The following ZNF438 variants were observed in gnomAD, a reference collection of about 807,000 sequenced individuals.
ZNF438 encodes the protein zinc finger protein 438.
A neutral mutation model predicts 38.0 loss-of-function variants in ZNF438; 25 were observed. The ratio of observed to expected loss-of-function variants is 0.66; its 90% CI spans 0.48 to 0.92. ZNF438 has a LOEUF of 0.92. ZNF438 is among the 40% of genes least tolerant of loss of function. The probability of loss-of-function intolerance (pLI) is 0.00; values close to 1 mark genes in which losing one functional copy is unlikely to be tolerated. For synonymous variants in ZNF438, 372 were observed against 364.1 expected, an observed-to-expected ratio of 1.02 and a Z score of -0.25; for missense variants, 1,007 against 999.6, an observed-to-expected ratio of 1.01 and a Z score of -0.10.
intron 1 of ZNF438, among the ~76,000 whole-genome samples, chr10:30,975,798 A>G (rs1338136811): frequency 6.6e-6 from 1 of 152,200 alleles, no homozygotes; most frequent in Non-Finnish European, 1.5e-5. Context: ...CTTTTGATAA[A>G]TACTTGAAAA....
intron 1 of ZNF438, among the ~76,000 whole-genome samples, chr10:30,948,154 G>C (rs892195043): frequency 1.3e-5 from 2 of 152,046 alleles, no homozygotes; most frequent in Non-Finnish European, 2.9e-5. Context: ...CATCTCACAC[G>C]GCAGGGTATT....
intron 1 of ZNF438, among the ~76,000 whole-genome samples, chr10:30,992,707 C>T (rs1284772448): frequency 6.6e-6 from 1 of 152,188 alleles, no homozygotes; most frequent in Non-Finnish European, 1.5e-5. Flanking sequence ...GCCACCGTGC[C>T]CAGCCTGAAT....
Position 30,954,050 on chromosome 10 carries a change from G to A in ZNF438, c.-191-12399C>T, listed in dbSNP as rs549632449. Among the ~76,000 whole-genome samples the A allele has an allele frequency of 9.3e-4, 142 of 152,234 alleles. 5 individuals are homozygous for A. Among genetic ancestry groups the A allele is most frequent in the Middle Eastern group, 3.4e-3 (1 of 294 alleles). ...CCCAGCTACTCAGAAGGCTGAGGCA[G>A]GAGAATCACTTGAACCCGGGATGTG... On this transcript the variant is annotated intron_variant, in intron 1 of 5. Transcript: ENST00000413025.
chr10:30,970,374 C>T (rs917260247), intron 1 of ZNF438, among the ~76,000 whole-genome samples: 6 of 152,126 alleles, frequency 3.9e-5, no homozygotes, highest in African/African-American at 1.4e-4. Flanking sequence ...AATACTAGCA[C>T]ATTTATAAAA....
At chr10:30,895,015 G>A (rs902988178) in intron 3 of ZNF438, among the ~76,000 whole-genome samples, 1 of 152,204 alleles carries the variant, frequency 6.6e-6, no homozygotes, top group Non-Finnish European at 1.5e-5. Flanking sequence ...TCTCTGTTTA[G>A]AGGTGTTAGC....
At chr10:31,010,513 C>CA in intron 1 of ZNF438, among the ~76,000 whole-genome samples, 2 of 152,146 alleles carry the variant, frequency 1.3e-5, no homozygotes, top group Middle Eastern at 3.4e-3. Context: ...AAAAATTGTA[C>CA]ACAAATGTTA....
intron 4 of ZNF438, among the ~76,000 whole-genome samples, chr10:30,861,623 T>C (rs1564511422): frequency 1.3e-5 from 2 of 152,266 alleles, no homozygotes; most frequent in Non-Finnish European, 2.9e-5. Flanking sequence ...CCACTTAAAA[T>C]ATATTTTAAT....
At chr10:30,949,459 T>C (rs543071602) in intron 1 of ZNF438, among the ~76,000 whole-genome samples, 52 of 152,258 alleles carry the variant, frequency 3.4e-4, no homozygotes, top group African/African-American at 1.1e-3. Context: ...GACTGGCAAA[T>C]TGGACAAAGG....
intron 3 of ZNF438, among the ~76,000 whole-genome samples, chr10:30,905,518 T>C (rs943832658): frequency 1.3e-5 from 2 of 152,214 alleles, no homozygotes; most frequent in African/African-American, 4.8e-5. Context: ...TTATCAGATA[T>C]AAGATTTGCA....
chr10:31,006,780 G>GA (rs1373426728), intron 1 of ZNF438, among the ~76,000 whole-genome samples: 1 of 129,226 alleles, frequency 7.7e-6, no homozygotes, highest in Non-Finnish European at 1.7e-5. Flanking sequence ...GCGGGGGGCG[G>GA]GGGGGGGAAC....
chr10:30,866,906 T>C (rs2036537396), intron 4 of ZNF438, among the ~76,000 whole-genome samples: 2 of 152,060 alleles, frequency 1.3e-5, no homozygotes, highest in South Asian at 4.1e-4. Context: ...CACAATGAAG[T>C]ATATGGAAGA....
exon 5 of ZNF438, chr10:30,849,473 T>C: frequency 1.9e-6 from 3 of 1,614,190 alleles, no homozygotes; most frequent in South Asian, 2.2e-5. Flanking sequence ...AATGTTAGCA[T>C]CTGATTTGAT....
At chr10:30,851,053 C>T (rs2033530734) in intron 4 of ZNF438, among the ~76,000 whole-genome samples, 1 of 152,156 alleles carries the variant, frequency 6.6e-6, no homozygotes, top group Non-Finnish European at 1.5e-5. Context: ...TTTATGTGTG[C>T]TTTTGCAATT....
intron 2 of ZNF438, among the ~76,000 whole-genome samples, chr10:30,936,155 G>A (rs1043701289): frequency 3.9e-5 from 6 of 152,094 alleles, no homozygotes; most frequent in Non-Finnish European, 5.9e-5. Context: ...TTGCCAACTC[G>A]ACTTATGACT....
At chr10:31,007,438 T>C (rs900389700) in intron 1 of ZNF438, among the ~76,000 whole-genome samples, 3 of 152,050 alleles carry the variant, frequency 2.0e-5, no homozygotes, top group African/African-American at 7.2e-5. Context: ...CACGCCACCA[T>C]GCCCTGCTAA....
At chr10:30,970,797 T>C (rs1405040410) in intron 1 of ZNF438, among the ~76,000 whole-genome samples, 2 of 152,152 alleles carry the variant, frequency 1.3e-5, no homozygotes, top group Non-Finnish European at 2.9e-5. Context: ...CCTATAACTG[T>C]CCCCAAAATG....
intron 1 of ZNF438, among the ~76,000 whole-genome samples, chr10:30,946,157 T>C (rs1164098604): frequency 6.6e-6 from 1 of 152,148 alleles, no homozygotes; most frequent in Non-Finnish European, 1.5e-5. Context: ...TGGCCAGTGA[T>C]GATGAGCATT....
intron 1 of ZNF438, among the ~76,000 whole-genome samples, chr10:30,953,166 A>T (rs1431238347): frequency 1.4e-5 from 2 of 144,958 alleles, no homozygotes; most frequent in Non-Finnish European, 3.0e-5. Context: ...AAAACCAAAC[A>T]CCGCATATTC....
intron 1 of ZNF438, among the ~76,000 whole-genome samples, chr10:30,953,145 C>T (rs1180198416): frequency 4.9e-5 from 7 of 143,430 alleles, no homozygotes; most frequent in East Asian, 2.0e-4. Flanking sequence ...AGTAAACTGT[C>T]GCAAGAACAA....
Sources: allele counts gnomAD v4.1 joint callset (sites outside exome capture counted in the v4.1 genomes callset), GRCh38; gene constraint gnomAD v4.1.1; transcripts MANE v1.5; gene names NCBI Gene and HGNC (gene_info 2026-07-23, HGNC 2026-07-21).